OR2T11: variants seen among roughly 807,000 people sequenced by gnomAD.
OR2T11 encodes olfactory receptor family 2 subfamily T member 11.
In OR2T11, 14 loss-of-function variants were observed where a neutral mutation model predicts 13.5. That is an observed-to-expected ratio of 1.04 (90% CI 0.69 to 1.62). The LOEUF is 1.62. Ranked by LOEUF, OR2T11 falls within the 40% of genes most tolerant of loss-of-function variation. The pLI, the probability that OR2T11 is intolerant of heterozygous loss-of-function variation, is 0.00. For missense variants in OR2T11, 410 were observed against 389.7 expected, an observed-to-expected ratio of 1.05 and a Z score of -0.44; for synonymous variants, 163 against 154.6, an observed-to-expected ratio of 1.05 and a Z score of -0.40.
chr1:248,627,712 G>A (rs1269863607), intron 1 of OR2T11, among the ~76,000 whole-genome samples: 1 of 142,942 alleles, frequency 7.0e-6, no homozygotes, highest in East Asian at 2.0e-4. Flanking sequence ...TGGATGTATC[G>A]CATAGTGGAG....
At position 248,624,818 on chromosome 1, in the gene OR2T11, TCTCAGCCTCCCGTGATCCTCCCAC is replaced by T. The variant is rs1428996810; in HGVS notation, c.*1336_*1359del. On this transcript the variant is annotated 3_prime_UTR_variant, in exon 2 of 2. Coordinates refer to ENST00000641193, the MANE Select transcript of OR2T11 (RefSeq NM_001001964.2). ...ATCACGGCTCACTGCAGCCTCAACT[TCTCAGCCTCCCGTGATCCTCCCAC>T]CTCAGCCTCCCAAGTAGCTGGGACT... 1.4e-5 allele frequency: 2 copies of T among 143,896 alleles called. No individual in the cohort carries two copies. The highest frequency in any genetic ancestry group is 3.0e-5 in the Non-Finnish European group (2 of 66,386). The allele number at this position is 143,896 out of a possible 1,614,324, so 8.9% of individuals were successfully genotyped here. A position where few individuals can be genotyped will look rare whatever the true frequency, so the allele number is the denominator to read the frequency against.
In OR2T11 at chr1:248,627,058, A is replaced by T. The variant is rs111439506; in HGVS notation, c.71T>A (p.Val24Glu). The T allele has an allele frequency of 6.4e-7, 1 of 1,570,994 alleles. No homozygotes were observed. Residue 24 changes from valine to glutamate, a missense_variant, in exon 2 of 2, where the codon GTA becomes GAA. Coordinates refer to ENST00000641193, the MANE Select transcript of OR2T11 (RefSeq NM_001001964.2). ...GAAAACAGCAAGGATCACTGTAAAT[A>T]CAATCCCGGCAGCCTCACTGTTCAC... ...LLVNSEAAGI[V>E]FTVILAVFLG...
rs1283683267 is a variant in OR2T11, at chr1:248,626,274, G to C, written c.855C>G (p.Leu285=). 1.0e-5 allele frequency: 16 copies of C among 1,569,232 alleles called. 3 individuals carry two copies. The African/African-American group carries it at 2.4e-4, about 23-fold the overall frequency. The change falls in exon 2 of 2, where the codon CTC becomes CTG. Residue 285 remains leucine (L), a synonymous_variant. Coordinates refer to ENST00000641193, the MANE Select transcript of OR2T11 (RefSeq NM_001001964.2). Reference sequence around the variant, plus strand: ...CGTCCTTGTTTCTGAGGCTGTAGATGAGAGGATTAAGCATGGGCGTGACAA... The same window carrying C: ...CGTCCTTGTTTCTGAGGCTGTAGATCAGAGGATTAAGCATGGGCGTGACAA... ...YTIVTPMLNP[L]IYSLRNKDVI...
At position 248,626,389 on chromosome 1, in the gene OR2T11, A is replaced by T. The variant is rs199940579; in HGVS notation, c.740T>A (p.Ile247Asn). 6.4e-7 allele frequency: 1 copy of T among 1,572,688 alleles called. No homozygotes were observed. ...TGTGTAGAAGGCAGCCCCATAGAAG[A>T]TGCTAACTACAGTCAAGTGGGAGGA... ...TCSSHLTVVS[I>N]FYGAAFYTYV... is the part of the protein sequence containing the mutation. Residue 247 changes from isoleucine (I) to asparagine (N), a missense_variant, in exon 2 of 2, where the codon ATC becomes AAC. Ile to Asn is a moderately radical substitution (Grantham distance 149). Coordinates refer to ENST00000641193, the MANE Select transcript of OR2T11 (RefSeq NM_001001964.2).
In OR2T11 at chr1:248,625,739, T is replaced by G. The variant is rs1049522409; in HGVS notation, c.*439A>C. 1 of 150,172 alleles carries G rather than the reference T, an allele frequency of 6.7e-6. No individual in the cohort carries two copies. The highest frequency in any genetic ancestry group is 1.4e-5 in the Non-Finnish European group (1 of 69,986). The allele number at this position is 150,172 out of a possible 1,614,324, so 9.3% of individuals were successfully genotyped here. ...TAAAAAACACGACTAAAGTGTGTGCTTTTATCTTCTTTGCCACTTGTGTAT... is the reference window on the plus strand; with the variant it reads ...TAAAAAACACGACTAAAGTGTGTGCGTTTATCTTCTTTGCCACTTGTGTAT... On this transcript the variant is annotated 3_prime_UTR_variant, in exon 2 of 2. Coordinates refer to ENST00000641193, the MANE Select transcript of OR2T11 (RefSeq NM_001001964.2).
Position 248,631,864 on chromosome 1 carries a change from A to G in OR2T11, c.-145+3174T>C, listed in dbSNP as rs1395182506. On this transcript the variant is annotated intron_variant, in intron 1 of 1. Transcript: ENST00000641193. ...GACTCATCTCCCAGCAGACATCATA[A>G]AGCCCCATTCAATAGGCATGTTTCC... 1.9e-4 allele frequency among the ~76,000 whole-genome samples: 27 copies of G among 143,514 alleles called. 4 individuals are homozygous for G. Among genetic ancestry groups the G allele is most frequent in the Non-Finnish European group, 7.5e-5 (5 of 66,266 alleles). The allele number at this position is 143,514 out of a possible 152,430, so 94.2% of individuals were successfully genotyped here.
Position 248,625,506 on chromosome 1 carries a change from G to A in OR2T11, c.*672C>T, listed in dbSNP as rs1660501304. The A allele has an allele frequency of 2.1e-5, 3 of 143,468 alleles. 1 individual carries two copies. Among genetic ancestry groups the A allele is most frequent in the African/African-American group, 8.2e-5 (3 of 36,404 alleles). 8.9% of individuals were successfully genotyped at this position (143,468 alleles called of 1,614,324 possible). A position where few individuals can be genotyped will look rare whatever the true frequency, so the allele number is the denominator to read the frequency against. On this transcript the variant is annotated 3_prime_UTR_variant, in exon 2 of 2. Coordinates refer to ENST00000641193, the MANE Select transcript of OR2T11 (RefSeq NM_001001964.2). Reference sequence around the variant, plus strand: ...TGTTAATACATCCTCAAGGAAAGTGGCAGTCATGTTCTTTGATGCTAAGTG... The same window carrying A: ...TGTTAATACATCCTCAAGGAAAGTGACAGTCATGTTCTTTGATGCTAAGTG...
At chr1:248,630,194 T>C (rs1660586749) in intron 1 of OR2T11, among the ~76,000 whole-genome samples, 1 of 141,348 alleles carries the variant, frequency 7.1e-6, no homozygotes, top group Admixed American at 6.8e-5. Context: ...GAGAAATAAT[T>C]TTTTTTAATG....
rs1288736256 is a variant in OR2T11, at chr1:248,626,952, C to A, written c.177G>T (p.Leu59=). The change falls in exon 2 of 2, where the codon CTG becomes CTT. Residue 59 remains leucine (L), a synonymous_variant. Coordinates refer to ENST00000641193, the MANE Select transcript of OR2T11 (RefSeq NM_001001964.2). The part of the protein sequence containing the change: ...DSRLHTPMYF[L]LSQLSIMDTL... ...TGTCCATGATGGACAGCTGACTGAGCAGAAAGTACATGGGGGTGTGGAGGC... is the reference window on the plus strand; with the variant it reads ...TGTCCATGATGGACAGCTGACTGAGAAGAAAGTACATGGGGGTGTGGAGGC... The A allele has an allele frequency of 2.5e-6, 4 of 1,572,090 alleles. No homozygotes were observed. In the African/African-American group the frequency reaches 6.0e-5, roughly 24 times the overall value.
Position 248,626,890 on chromosome 1 carries a change from G to A in OR2T11, c.239C>T (p.Ala80Val), listed in dbSNP as rs200166974. 1.9e-6 allele frequency: 3 copies of A among 1,570,380 alleles called. No individual in the cohort carries two copies. The highest frequency in any genetic ancestry group is 8.7e-7 in the Non-Finnish European group (1 of 1,154,510). ...GATCTTCTCTTTAGAAACCATGTCT[G>A]CCAGGAGTTTTGGGACAGTGGTACA... ...FICTTVPKLL[A>V]DMVSKEKIIS... Residue 80 changes from alanine to valine, a missense_variant, in exon 2 of 2, where the codon GCA (alanine) becomes GTA (valine). Physicochemically the swap from Ala to Val is moderately conservative, Grantham distance 64. Coordinates refer to ENST00000641193, the MANE Select transcript of OR2T11 (RefSeq NM_001001964.2).
Position 248,627,269 on chromosome 1 carries a change from G to A in OR2T11, c.-141C>T. The A allele has an allele frequency of 1.7e-6, 1 of 584,272 alleles. No homozygotes were observed. The highest frequency in any genetic ancestry group is 2.9e-5 in the East Asian group (1 of 34,808). The allele number at this position is 584,272 out of a possible 1,614,324, so 36.2% of individuals were successfully genotyped here. A position where few individuals can be genotyped will look rare whatever the true frequency, so the allele number is the denominator to read the frequency against. On this transcript the variant is annotated 5_prime_UTR_variant, in exon 2 of 2. Coordinates refer to ENST00000641193, the MANE Select transcript of OR2T11 (RefSeq NM_001001964.2). Reference sequence around the variant, plus strand: ...CCGTCAGGATGAAGCTTCCAGGCTAGAGGCTAGAGAAGAACAGGCAGACCA... The same window carrying A: ...CCGTCAGGATGAAGCTTCCAGGCTAAAGGCTAGAGAAGAACAGGCAGACCA...
chr1:248,624,510 C>CT lies in OR2T11; in HGVS notation c.*1667dup, dbSNP rs1163604120. 1 of 143,266 alleles carries CT rather than the reference C, an allele frequency of 7.0e-6. No individual in the cohort carries two copies. The highest frequency in any genetic ancestry group is 1.5e-5 in the Non-Finnish European group (1 of 66,310). 8.9% of individuals were successfully genotyped at this position (143,266 alleles called of 1,614,324 possible). A position where few individuals can be genotyped will look rare whatever the true frequency, so the allele number is the denominator to read the frequency against. On this transcript the variant is annotated 3_prime_UTR_variant, in exon 2 of 2. Coordinates refer to ENST00000641193, the MANE Select transcript of OR2T11 (RefSeq NM_001001964.2). ...CAGTTGCTTTTACTTTCTTTAAACACTTTGTCTTAGATTTCTTCTAACCTC... is the reference window on the plus strand; with the variant it reads ...CAGTTGCTTTTACTTTCTTTAAACACTTTTGTCTTAGATTTCTTCTAACCTC...
At chr1:248,633,649 A>C (rs1572104386) in intron 1 of OR2T11, among the ~76,000 whole-genome samples, 1 of 139,602 alleles carries the variant, frequency 7.2e-6, no homozygotes, top group East Asian at 2.1e-4. Context: ...ATGTTCAAAC[A>C]TGTTTTCTGA....
rs2103100666 is a variant in OR2T11 at position 248,625,900 on chromosome 1, T to TG, written c.*277dup. ...GGAGATCTAGTTCAGAGTGAAAGGTTGCTGTGAACTCTAATATTTGGGGTT... is the reference window on the plus strand; with the variant it reads ...GGAGATCTAGTTCAGAGTGAAAGGTTGGCTGTGAACTCTAATATTTGGGGTT... On this transcript the variant is annotated 3_prime_UTR_variant, in exon 2 of 2. Transcript: ENST00000641193. The TG allele has an allele frequency of 1.5e-5, 4 of 262,304 alleles. 1 individual carries two copies. The South Asian group carries it at 3.0e-4, about 20-fold the overall frequency. The allele number at this position is 262,304 out of a possible 1,614,324, so 16.2% of individuals were successfully genotyped here.
rs1235694706 is a variant in OR2T11 at position 248,630,637 on chromosome 1, C to A, written c.-144-3365G>T. On this transcript the variant is annotated intron_variant, in intron 1 of 1. Transcript: ENST00000641193. ...TTGTGTATGATTTATTGCAAAATGT[C>A]ATCTGCCTTCTATGATCAGAATTGT... 3.5e-5 allele frequency among the ~76,000 whole-genome samples: 5 copies of A among 144,022 alleles called. 1 individual carries two copies. In the East Asian group the frequency reaches 1.0e-3, roughly 29 times the overall value. The allele number at this position is 144,022 out of a possible 152,430, so 94.5% of individuals were successfully genotyped here.
rs1336231998 is a variant in OR2T11, at chr1:248,631,954, T to A, written c.-145+3084A>T. Among the ~76,000 whole-genome samples, 54 of 143,160 alleles carry A rather than the reference T, an allele frequency of 3.8e-4. 10 individuals are homozygous for A. The highest frequency in any genetic ancestry group is 5.1e-4 in the Non-Finnish European group (34 of 66,334). 93.9% of individuals were successfully genotyped at this position (143,160 alleles called of 152,430 possible). On this transcript the variant is annotated intron_variant, in intron 1 of 1. Transcript: ENST00000641193. Reference sequence around the variant, plus strand: ...ACTATTCCCTGTTGGGGATCTGAGATTTGAAGATCTCTGTAATGTGGCAGA... The same window carrying A: ...ACTATTCCCTGTTGGGGATCTGAGAATTGAAGATCTCTGTAATGTGGCAGA...
At chr1:248,633,304 A>G in intron 1 of OR2T11, among the ~76,000 whole-genome samples, 1 of 142,004 alleles carries the variant, frequency 7.0e-6, no homozygotes, top group Non-Finnish European at 1.5e-5. Context: ...TAGCAGGTTC[A>G]TTGTATTCTT....
intron 1 of OR2T11, among the ~76,000 whole-genome samples, chr1:248,633,993 GTT>G (rs66647384): frequency 2.3e-5 from 3 of 133,052 alleles, no homozygotes; most frequent in Non-Finnish European, 3.1e-5. Flanking sequence ...GTTTTTTGGT[GTT>G]TTTTTTTTTG....
In OR2T11 at chr1:248,630,370, G is replaced by C. The variant is rs1422071241; in HGVS notation, c.-144-3098C>G. On this transcript the variant is annotated intron_variant, in intron 1 of 1. Coordinates refer to ENST00000641193, the MANE Select transcript of OR2T11 (RefSeq NM_001001964.2). ...AGGTTTATATACAGTACAAATTTGA[G>C]ACAATTACGCTCTGGTTTAAAATAC... 1.9e-5 allele frequency among the ~76,000 whole-genome samples: 2 copies of C among 106,012 alleles called. 1 individual carries two copies. Among genetic ancestry groups the C allele is most frequent in the African/African-American group, 7.9e-5 (2 of 25,312 alleles). 69.5% of individuals were successfully genotyped at this position (106,012 alleles called of 152,430 possible).
Sources: gnomAD v4.1 joint callset for allele counts (sites outside exome capture counted in the v4.1 genomes callset) on GRCh38, gnomAD v4.1.1 for gene constraint, MANE v1.5 for transcripts, NCBI Gene and HGNC (gene_info 2026-07-23, HGNC 2026-07-21) for gene names.